ZNF385D: variants seen among roughly 807,000 people sequenced by gnomAD.
ZNF385D encodes the protein zinc finger protein 385D.
A neutral mutation model predicts 35.8 loss-of-function variants in ZNF385D; 15 were observed. That is an observed-to-expected ratio of 0.42 (90% CI 0.28 to 0.64). The LOEUF is 0.64. Ranked by LOEUF, ZNF385D falls within the 30% of genes least tolerant of loss-of-function variation. The probability of loss-of-function intolerance (pLI) is 0.23; values close to 1 mark genes in which losing one functional copy is unlikely to be tolerated. For missense variants in ZNF385D, 474 were observed against 494.6 expected, an observed-to-expected ratio of 0.96 and a Z score of 0.39; for synonymous variants, 212 against 186.8, an observed-to-expected ratio of 1.13 and a Z score of -1.10.
intron 3 of ZNF385D, among the ~76,000 whole-genome samples, chr3:22,087,956 TTGAC>T (rs1440365683): frequency 6.6e-6 from 1 of 152,196 alleles, no homozygotes; most frequent in African/African-American, 2.4e-5. Context: ...TGTCATTTAT[TTGAC>T]TGGGAAAGGT....
At chr3:21,464,462 A>C (rs1575193369) in intron 4 of ZNF385D, among the ~76,000 whole-genome samples, 1 of 152,244 alleles carries the variant, frequency 6.6e-6, no homozygotes, top group Non-Finnish European at 1.5e-5. Flanking sequence ...TCCTCTCATA[A>C]GTGCATTCAT....
intron 3 of ZNF385D, among the ~76,000 whole-genome samples, chr3:21,947,518 T>C (rs554670839): frequency 4.0e-4 from 61 of 152,122 alleles, no homozygotes; most frequent in African/African-American, 1.4e-3. Context: ...GCCTGGCTAA[T>C]TTTTTGTACT....
chr3:21,518,725 A>G (rs776461707), intron 3 of ZNF385D, among the ~76,000 whole-genome samples: 1 of 152,186 alleles, frequency 6.6e-6, no homozygotes, highest in Non-Finnish European at 1.5e-5. Flanking sequence ...TTGGTAAGCC[A>G]AGAGATTGTC....
At chr3:22,218,314 T>C (rs1698021403) in intron 2 of ZNF385D, among the ~76,000 whole-genome samples, 1 of 152,128 alleles carries the variant, frequency 6.6e-6, no homozygotes, top group Non-Finnish European at 1.5e-5. Flanking sequence ...TTTACTTTTA[T>C]GTATTTTTAT....
chr3:22,242,089 G>A lies in ZNF385D; in HGVS notation c.107-73054C>T, dbSNP rs190059175. The stretch of plus-strand genomic sequence containing the variant: ...GGGGACTGTTGTGGGGTGGGGGAAG[G>A]GGGGAGGGATAGCACTGGGAGATAT... On this transcript the variant is annotated intron_variant, in intron 2 of 5. Transcript: ENST00000494108. 9.4e-4 allele frequency among the ~76,000 whole-genome samples: 141 copies of A among 150,600 alleles called. 10 individuals are homozygous for A. The highest frequency in any genetic ancestry group is 3.1e-3 in the African/African-American group (127 of 40,692).
Position 21,419,173 on chromosome 3 carries a change from C to CCTTCCTTCCTTCCCTCCTTT in ZNF385D, c.*2021_*2040dup. The CCTTCCTTCCTTCCCTCCTTT allele has an allele frequency of 6.5e-6, 1 of 153,114 alleles. No homozygotes were observed. The highest frequency in any genetic ancestry group is 2.4e-5 in the African/African-American group (1 of 41,230). The allele number at this position is 153,114 out of a possible 1,614,324, so 9.5% of individuals were successfully genotyped here. A position where few individuals can be genotyped will look rare whatever the true frequency, so the allele number is the denominator to read the frequency against. On this transcript the variant is annotated 3_prime_UTR_variant, in exon 8 of 8. Coordinates refer to ENST00000281523, the MANE Select transcript of ZNF385D (RefSeq NM_024697.3). ...TTTTCTTCCCTTCCCCATCTCCTTT[C>CCTTCCTTCCTTCCCTCCTTT]CTTCCTTCCTTCCCTCCTTTCTTCC...
chr3:22,115,526 T>G (rs1702761583), intron 3 of ZNF385D, among the ~76,000 whole-genome samples: 1 of 152,048 alleles, frequency 6.6e-6, no homozygotes, highest in Admixed American at 6.6e-5. Context: ...TTCAAGATTT[T>G]CAAGTGATGA....
chr3:22,357,713 A>G (rs73142215), intron 2 of ZNF385D, among the ~76,000 whole-genome samples: 3,601 of 151,972 alleles, frequency 0.024, 135 homozygotes, highest in African/African-American at 0.083. Flanking sequence ...AGGCTTCACC[A>G]TCTGGAGTAC....
intron 1 of ZNF385D, among the ~76,000 whole-genome samples, chr3:21,750,415 G>A (rs2070008905): frequency 6.6e-6 from 1 of 152,164 alleles, no homozygotes; most frequent in South Asian, 2.1e-4. Context: ...GTTCTCAGCT[G>A]CTCAACCACA....
At chr3:21,611,515 T>C (rs1422806358) in intron 2 of ZNF385D, among the ~76,000 whole-genome samples, 2 of 152,236 alleles carry the variant, frequency 1.3e-5, no homozygotes, top group Admixed American at 1.3e-4. Flanking sequence ...TGGCTGATCT[T>C]CACTTTATTT....
chr3:21,755,370 G>C (rs768456030), upstream of ZNF385D, among the ~76,000 whole-genome samples: 1 of 152,118 alleles, frequency 6.6e-6, no homozygotes, highest in Admixed American at 6.5e-5. Flanking sequence ...AGGTCGTTAA[G>C]GTTTTCGACA....
intron 1 of ZNF385D, among the ~76,000 whole-genome samples, chr3:21,743,409 G>A (rs1194555832): frequency 6.6e-6 from 1 of 152,198 alleles, no homozygotes; most frequent in Non-Finnish European, 1.5e-5. Context: ...TCCTGCCTGA[G>A]GCCAACTGTC....
At chr3:22,166,370 G>T (rs1706330571) in intron 3 of ZNF385D, among the ~76,000 whole-genome samples, 1 of 152,120 alleles carries the variant, frequency 6.6e-6, no homozygotes, top group Non-Finnish European at 1.5e-5. Context: ...TCTCCTAAAT[G>T]ATTTCTCTGT....
At chr3:21,514,099 C>T (rs1707406302) in intron 3 of ZNF385D, among the ~76,000 whole-genome samples, 1 of 152,088 alleles carries the variant, frequency 6.6e-6, no homozygotes, top group African/African-American at 2.4e-5. Flanking sequence ...CTTTGGGCCT[C>T]CTCTGCTTTT....
At chr3:22,192,634 A>G (rs1384148854) in intron 2 of ZNF385D, among the ~76,000 whole-genome samples, 1 of 152,164 alleles carries the variant, frequency 6.6e-6, no homozygotes, top group Non-Finnish European at 1.5e-5. Flanking sequence ...CCTTCAAGAG[A>G]TTATTGATGT....
In ZNF385D at chr3:21,813,556, C is replaced by T. The variant is rs371569321; in HGVS notation, c.326-148528G>A. On this transcript the variant is annotated intron_variant, in intron 3 of 5. Transcript: ENST00000494108. ...TGGCACGAGAATTATGCGACTCATG[C>T]ACAAGCTTCAGTAGCTGATTTGATC... is the stretch of plus-strand genomic sequence containing the variant. Among the ~76,000 whole-genome samples the T allele has an allele frequency of 5.1e-4, 77 of 152,244 alleles. No homozygotes were observed. In the East Asian group the frequency reaches 0.012, roughly 23 times the overall value.
chr3:21,915,510 G>C (rs144872051), intron 3 of ZNF385D, among the ~76,000 whole-genome samples: 1 of 151,918 alleles, frequency 6.6e-6, no homozygotes, highest in East Asian at 1.9e-4. Flanking sequence ...CTGTTACAAG[G>C]TAAAATAAGT....
intron 3 of ZNF385D, among the ~76,000 whole-genome samples, chr3:21,775,214 C>T (rs2071238377): frequency 6.6e-6 from 1 of 151,734 alleles, no homozygotes; most frequent in East Asian, 1.9e-4. Context: ...GTATCTTTTG[C>T]TTCTGTGTCA....
At chr3:21,569,925 G>A in intron 2 of ZNF385D, among the ~76,000 whole-genome samples, 1 of 127,258 alleles carries the variant, frequency 7.9e-6, no homozygotes, top group African/African-American at 2.9e-5. Flanking sequence ...GGGGGGCAGG[G>A]AGGGATAGCA....
Sources: allele counts gnomAD v4.1 joint callset (sites outside exome capture counted in the v4.1 genomes callset), GRCh38; gene constraint gnomAD v4.1.1; transcripts MANE v1.5; gene names NCBI Gene and HGNC (gene_info 2026-07-23, HGNC 2026-07-21).